KCNB2: variants seen among roughly 807,000 people sequenced by gnomAD.
The protein encoded by KCNB2 is delayed rectifier potassium channel protein.
In KCNB2, 15 loss-of-function variants were observed where a neutral mutation model predicts 61.5. That is an observed-to-expected ratio of 0.24 (90% CI 0.16 to 0.38). The LOEUF is 0.38. Among genes scored for constraint, KCNB2 ranks in the 10% least tolerant of loss-of-function variants. The probability of loss-of-function intolerance (pLI) is 1.00; values close to 1 mark genes in which losing one functional copy is unlikely to be tolerated. For missense variants in KCNB2, 828 were observed against 1,125.2 expected, an observed-to-expected ratio of 0.74 and a Z score of 3.78; for synonymous variants, 457 against 446.0, an observed-to-expected ratio of 1.02 and a Z score of -0.31.
intron 2 of KCNB2, among the ~76,000 whole-genome samples, chr8:72,849,170 A>C (rs4350022): frequency 0.23 from 27,689 of 118,092 alleles, 3,679 homozygotes; most frequent in Non-Finnish European, 0.31. Flanking sequence ...TTTATTTTAC[A>C]ATATCTAAAT....
chr8:72,587,629 T>C (rs1585768582), intron 2 of KCNB2, among the ~76,000 whole-genome samples: 1 of 151,982 alleles, frequency 6.6e-6, no homozygotes, highest in African/African-American at 2.4e-5. Context: ...CTCAGGAGAC[T>C]GAGGTGGGAG....
intron 2 of KCNB2, among the ~76,000 whole-genome samples, chr8:72,753,360 T>TC (rs1381990377): frequency 6.6e-6 from 1 of 152,200 alleles, no homozygotes; most frequent in Non-Finnish European, 1.5e-5. Flanking sequence ...AATAGTACAA[T>TC]CGAACACATT....
chr8:72,757,813 C>G (rs1808314599), intron 2 of KCNB2, among the ~76,000 whole-genome samples: 1 of 152,176 alleles, frequency 6.6e-6, no homozygotes, highest in Non-Finnish European at 1.5e-5. Flanking sequence ...CTTTCAGTAA[C>G]AGAGGAGCCA....
At chr8:72,890,097 G>A (rs1452645339) in intron 2 of KCNB2, among the ~76,000 whole-genome samples, 1 of 152,164 alleles carries the variant, frequency 6.6e-6, no homozygotes. Flanking sequence ...GAAGGATGGA[G>A]AACATGTTCT....
chr8:72,670,415 T>C (rs1806545139), intron 2 of KCNB2, among the ~76,000 whole-genome samples: 1 of 152,226 alleles, frequency 6.6e-6, no homozygotes, highest in Non-Finnish European at 1.5e-5. Context: ...ATCTGAACTT[T>C]GCATGCACTT....
At chr8:72,925,680 G>C (rs978227535) in intron 2 of KCNB2, among the ~76,000 whole-genome samples, 3 of 152,240 alleles carry the variant, frequency 2.0e-5, no homozygotes, top group Non-Finnish European at 4.4e-5. Flanking sequence ...GGAAGGCAGT[G>C]TGGCGATTCC....
At chr8:72,714,906 C>T (rs1807400674) in intron 2 of KCNB2, among the ~76,000 whole-genome samples, 1 of 152,134 alleles carries the variant, frequency 6.6e-6, no homozygotes, top group Non-Finnish European at 1.5e-5. Context: ...GTGCTGTATT[C>T]AGGAAACCCA....
chr8:72,663,007 C>G (rs1027031150), intron 2 of KCNB2, among the ~76,000 whole-genome samples: 1 of 152,120 alleles, frequency 6.6e-6, no homozygotes, highest in Admixed American at 6.6e-5. Context: ...GCCACCTGAG[C>G]TCCTCCCTAC....
chr8:72,773,239 T>C (rs1225340146), intron 2 of KCNB2, among the ~76,000 whole-genome samples: 1 of 152,206 alleles, frequency 6.6e-6, no homozygotes, highest in Non-Finnish European at 1.5e-5. Flanking sequence ...CCTGCTAAGC[T>C]GCACGTCATG....
At chr8:72,646,071 T>C (rs1381642542) in intron 2 of KCNB2, among the ~76,000 whole-genome samples, 2 of 152,074 alleles carry the variant, frequency 1.3e-5, no homozygotes, top group Non-Finnish European at 2.9e-5. Context: ...TTGGGGAGTG[T>C]TTTGGGAGTG....
intron 2 of KCNB2, among the ~76,000 whole-genome samples, chr8:72,802,411 T>C (rs987555948): frequency 2.0e-5 from 3 of 152,226 alleles, no homozygotes; most frequent in Non-Finnish European, 4.4e-5. Flanking sequence ...TTAGATATTG[T>C]CTTTAGATAT....
rs1199362081 is a variant in KCNB2, at chr8:72,561,775, A to T, written c.-93-5867A>T. Among the ~76,000 whole-genome samples the T allele has an allele frequency of 2.7e-3, 75 of 27,412 alleles. 12 individuals are homozygous for T. The highest frequency in any genetic ancestry group is 0.011 in the African/African-American group (70 of 6,096). 18.0% of individuals were successfully genotyped at this position (27,412 alleles called of 152,430 possible). Reference sequence around the variant, plus strand: ...TATATATATATGGATATATATATATATGGATATATATATACATATATATAT... The same window carrying T: ...TATATATATATGGATATATATATATTTGGATATATATATACATATATATAT... On this transcript the variant is annotated intron_variant, in intron 1 of 2. Transcript: ENST00000523207.
chr8:72,904,095 C>G (rs939135055), intron 2 of KCNB2, among the ~76,000 whole-genome samples: 2 of 151,996 alleles, frequency 1.3e-5, no homozygotes, highest in Non-Finnish European at 2.9e-5. Flanking sequence ...TATTTTTATA[C>G]CATCTTTTTT....
intron 2 of KCNB2, among the ~76,000 whole-genome samples, chr8:72,655,461 A>G (rs957324482): frequency 5.9e-5 from 9 of 152,134 alleles, no homozygotes; most frequent in Non-Finnish European, 1.2e-4. Context: ...ATAAATTAAT[A>G]AATAAATAAA....
At chr8:72,702,135 C>T (rs1807141379) in intron 2 of KCNB2, among the ~76,000 whole-genome samples, 1 of 152,094 alleles carries the variant, frequency 6.6e-6, no homozygotes, top group African/African-American at 2.4e-5. Context: ...AAAATCCCAC[C>T]CCAGCACTAT....
chr8:72,735,413 G>T (rs183473042), intron 2 of KCNB2, among the ~76,000 whole-genome samples: 2 of 152,048 alleles, frequency 1.3e-5, no homozygotes, highest in South Asian at 2.1e-4. Context: ...CTATTTCCCC[G>T]CAAGAAATCT....
At chr8:72,696,367 G>T (rs756453292) in intron 2 of KCNB2, among the ~76,000 whole-genome samples, 1 of 152,050 alleles carries the variant, frequency 6.6e-6, no homozygotes, top group African/African-American at 2.4e-5. Context: ...ATTTCAGTTC[G>T]GGGAATTAAG....
At chr8:72,736,385 C>T (rs1807846421) in intron 2 of KCNB2, among the ~76,000 whole-genome samples, 1 of 152,032 alleles carries the variant, frequency 6.6e-6, no homozygotes, top group African/African-American at 2.4e-5. Flanking sequence ...GGACTTGTCT[C>T]CTACCTTGGT....
intron 2 of KCNB2, among the ~76,000 whole-genome samples, chr8:72,676,027 G>A (rs1298323182): frequency 1.3e-5 from 2 of 152,034 alleles, no homozygotes; most frequent in Non-Finnish European, 2.9e-5. Flanking sequence ...TAAAGACAGG[G>A]ATATTTTCAG....
Sources: allele counts gnomAD v4.1 joint callset (sites outside exome capture counted in the v4.1 genomes callset), GRCh38; gene constraint gnomAD v4.1.1; transcripts MANE v1.5; gene names NCBI Gene and HGNC (gene_info 2026-07-23, HGNC 2026-07-21).